NUP210: variants seen among roughly 807,000 people sequenced by gnomAD.
NUP210 encodes nucleoporin 210.
In NUP210, 151 loss-of-function variants were observed where a neutral mutation model predicts 196.0. The observed-to-expected ratio is 0.77, with a 90% CI of 0.67 to 0.88. The LOEUF (loss-of-function observed/expected upper bound fraction) is 0.88, where lower values mean the gene tolerates loss of function less well. NUP210 is among the 40% of genes least tolerant of loss of function. The pLI, the probability that NUP210 is intolerant of heterozygous loss-of-function variation, is 0.00. For missense variants in NUP210, 2,314 were observed against 2,493.7 expected (o/e 0.93, Z 1.53); for synonymous variants, 1,070 against 1,052.7 (o/e 1.02, Z -0.32).
At chr3:13,337,950 ATGCAG>A in intron 25 of NUP210, 33 bp from the exon 26 acceptor site, 1 of 1,598,140 alleles carries the variant, frequency 6.3e-7, no homozygotes, top group Non-Finnish European at 8.6e-7. Flanking sequence ...AGGTGTGGGG[ATGCAG>A]TGCTGGCCAG....
intron 18 of NUP210, among the ~76,000 whole-genome samples, chr3:13,352,397 G>A (rs1698011204): frequency 6.6e-6 from 1 of 152,228 alleles, no homozygotes; most frequent in South Asian, 2.1e-4. Flanking sequence ...CCAGACTGAG[G>A]AGAGGGTTGG....
intron 6 of NUP210, among the ~76,000 whole-genome samples, chr3:13,385,891 A>C (rs1197871890): frequency 6.6e-6 from 1 of 152,258 alleles, no homozygotes; most frequent in Non-Finnish European, 1.5e-5. Context: ...CCCTTGCTAC[A>C]ACATGGATGA....
In NUP210 at chr3:13,347,124, A is replaced by G; in HGVS notation, c.2836-3821T>C. 2 of 985,426 alleles carry G rather than the reference A, an allele frequency of 2.0e-6. No homozygotes were observed. Among genetic ancestry groups the G allele is most frequent in the Non-Finnish European group, 1.2e-6 (1 of 829,910 alleles). 61.0% of individuals were successfully genotyped at this position (985,426 alleles called of 1,614,324 possible). On this transcript the variant is annotated intron_variant, in intron 20 of 39. Transcript: ENST00000254508. The surrounding 1 kb of genome is among the most constrained non-coding windows in gnomAD (Gnocchi z 4.7). ...GGCCCCATGACGGGCTGCGCCTCAC[A>G]GGACCCAGGAGATGGAGAGAAGCAG... is the stretch of plus-strand genomic sequence containing the variant.
chr3:13,318,871 G>T (rs1696384094), intron 39 of NUP210, among the ~76,000 whole-genome samples: 1 of 152,120 alleles, frequency 6.6e-6, no homozygotes, highest in Non-Finnish European at 1.5e-5. Context: ...CTCTACCTGG[G>T]GAAAGCTCTT....
At chr3:13,337,733 G>A (rs1025321359) in intron 26 of NUP210, 104 bp downstream of exon 26, 12 of 1,067,950 alleles carry the variant, frequency 1.1e-5, no homozygotes, top group Middle Eastern at 2.8e-4. Context: ...CTAGATACCC[G>A]GGCCAGGCAG....
intron 20 of NUP210, chr3:13,351,591 A>G: frequency 3.0e-6 from 1 of 336,518 alleles, no homozygotes. Flanking sequence ...GGCTCAAGCA[A>G]TCCTCCTGCC....
At position 13,366,022 on chromosome 3, in the gene NUP210, G is replaced by T; in HGVS notation, c.1856C>A (p.Thr619Lys). 6.2e-7 allele frequency: 1 copy of T among 1,614,216 alleles called. No homozygotes were observed. The highest frequency in any genetic ancestry group is 8.5e-7 in the Non-Finnish European group (1 of 1,180,008). ...GCCGTGTCTGTAGCTCACAAGAAGC[G>T]TGGTAGAGCCCTGGGCCTCGGCCTT... ...RVKAEAQGST[T>K]LLVSYRHGHV... Residue 619 changes from threonine to lysine, a missense_variant, in exon 14 of 40, where the codon ACG becomes AAG. Physicochemically the swap from Thr to Lys is moderately conservative, Grantham distance 78 (BLOSUM62 -1). Transcript: ENST00000254508.
At chr3:13,361,588 C>G (rs1362816067) in intron 14 of NUP210, among the ~76,000 whole-genome samples, 2 of 152,156 alleles carry the variant, frequency 1.3e-5, no homozygotes, top group Non-Finnish European at 2.9e-5. Context: ...CTCCTTGAAT[C>G]CCTGCCCAGC....
chr3:13,343,753 C>T (rs1267327102), intron 20 of NUP210, among the ~76,000 whole-genome samples: 2 of 152,160 alleles, frequency 1.3e-5, no homozygotes, highest in Non-Finnish European at 2.9e-5. Flanking sequence ...TAGAGAAGCA[C>T]CCCATGGGGT....
Position 13,350,481 on chromosome 3 carries a change from A to AC in NUP210, c.2835+1397_2835+1398insG, listed in dbSNP as rs202221586. ...ACAAAACAAAACAAAACAAAACAAAAAACAAAACAAAACAGGAAAACATGA... is the reference window on the plus strand; with the variant it reads ...ACAAAACAAAACAAAACAAAACAAAACAACAAAACAAAACAGGAAAACATGA... On this transcript the variant is annotated intron_variant, in intron 20 of 39. Transcript: ENST00000254508. The surrounding 1 kb of genome is among the most constrained non-coding windows in gnomAD (Gnocchi z 4.1). Among the ~76,000 whole-genome samples, 92 of 151,624 alleles carry AC rather than the reference A, an allele frequency of 6.1e-4. No homozygotes were observed. The highest frequency in any genetic ancestry group is 1.5e-3 in the Admixed American group (23 of 15,184).
At chr3:13,346,880 G>C (rs137910329) in intron 20 of NUP210, among the ~76,000 whole-genome samples, 231 of 152,338 alleles carry the variant, frequency 1.5e-3, no homozygotes, top group Admixed American at 2.0e-3. Flanking sequence ...AAGCTCACAT[G>C]AAAATCACAG....
chr3:13,353,978 C>T lies in NUP210; in HGVS notation c.2458G>A (p.Glu820Lys), dbSNP rs368316579. The T allele has an allele frequency of 3.2e-5, 51 of 1,609,716 alleles. No homozygotes were observed. Among genetic ancestry groups the T allele is most frequent in the African/African-American group, 1.7e-4 (13 of 74,880 alleles). Residue 820 changes from glutamate to lysine, a missense_variant, in exon 17 of 40, where the codon GAG becomes AAG. Coordinates refer to ENST00000254508, the MANE Select transcript of NUP210 (RefSeq NM_024923.4). ...ESTRPVLASI[E>K]PELPMQLVSQ... The stretch of plus-strand genomic sequence containing the variant: ...ACCAGCTGCATGGGCAGCTCAGGCT[C>T]GATGCTGGCCAACACTGGCCTGGTG...
At chr3:13,391,408 A>G (rs1407767785) in intron 3 of NUP210, 101 bp from the exon 4 acceptor site, 4 of 727,132 alleles carry the variant, frequency 5.5e-6, no homozygotes, top group Non-Finnish European at 2.5e-6. Flanking sequence ...ACCACACTCC[A>G]CATCACCACC....
At chr3:13,356,335 A>G (rs1179645334) in intron 16 of NUP210, among the ~76,000 whole-genome samples, 2 of 152,232 alleles carry the variant, frequency 1.3e-5, no homozygotes, top group Admixed American at 6.5e-5. Flanking sequence ...TTGCAGGAAT[A>G]TATCTTTCTC....
chr3:13,383,535 T>TTTTTTG, intron 6 of NUP210, among the ~76,000 whole-genome samples: 1 of 143,136 alleles, frequency 7.0e-6, no homozygotes, highest in Non-Finnish European at 1.5e-5. Flanking sequence ...TTTTTTTTTT[T>TTTTTTG]TTTTTGAGAC....
At chr3:13,327,162 C>G (rs1576345270) in intron 32 of NUP210, 55 bp downstream of exon 32, 1 of 1,464,960 alleles carries the variant, frequency 6.8e-7, no homozygotes, top group East Asian at 2.4e-5. Context: ...AGCCCCCACC[C>G]AGCTTTGCAA....
intron 12 of NUP210, among the ~76,000 whole-genome samples, chr3:13,373,044 C>A (rs1466526378): frequency 6.6e-6 from 1 of 152,174 alleles, no homozygotes; most frequent in Non-Finnish European, 1.5e-5. Flanking sequence ...GGAAGACTGG[C>A]CAGCCTATCC....
rs575387233 is a variant in NUP210, at chr3:13,318,932, T to G, written c.5563+140A>C. On this transcript the variant is annotated intron_variant, in intron 39 of 39. Coordinates refer to ENST00000254508, the MANE Select transcript of NUP210 (RefSeq NM_024923.4). ...TGCCCCGACCCTCCTGGCTCCCACA[T>G]CTGTCCTCTGGGCCTCAGGCTCCTT... The G allele has an allele frequency of 9.1e-6, 7 of 769,276 alleles. No individual in the cohort carries two copies. The African/African-American group carries it at 1.2e-4, about 14-fold the overall frequency. 47.7% of individuals were successfully genotyped at this position (769,276 alleles called of 1,614,324 possible).
intron 1 of NUP210, among the ~76,000 whole-genome samples, chr3:13,401,064 C>G (rs528550608): frequency 4.6e-5 from 7 of 152,004 alleles, no homozygotes; most frequent in African/African-American, 1.7e-4. Flanking sequence ...TCGAGACCAG[C>G]CTGACCAAGT....
Sources: gnomAD v4.1 joint callset for allele counts (sites outside exome capture counted in the v4.1 genomes callset) on GRCh38, gnomAD v4.1.1 for gene constraint, Gnocchi (gnomAD v3.1) non-coding constraint, MANE v1.5 for transcripts, NCBI Gene and HGNC (gene_info 2026-07-23, HGNC 2026-07-21) for gene names.